The following PLEKHG1 variants were observed in gnomAD, a reference collection of about 807,000 sequenced individuals.
PLEKHG1 encodes the protein pleckstrin homology domain-containing family G member 1.
PLEKHG1 carries 44 observed loss-of-function variants against 100.8 expected under a neutral mutation model. The ratio of observed to expected loss-of-function variants is 0.44; its 90% CI spans 0.34 to 0.56. PLEKHG1 has a LOEUF of 0.56. PLEKHG1 is among the 20% of genes least tolerant of loss of function. PLEKHG1 has a pLI of 0.01. For missense variants in PLEKHG1, 1,545 were observed against 1,720.9 expected, an observed-to-expected ratio of 0.90 and a Z score of 1.81; for synonymous variants, 640 against 662.5, an observed-to-expected ratio of 0.97 and a Z score of 0.52.
chr6:150,723,032 C>T (rs1038910641), intron 1 of PLEKHG1, among the ~76,000 whole-genome samples: 5 of 152,112 alleles, frequency 3.3e-5, no homozygotes, highest in African/African-American at 1.2e-4. Flanking sequence ...ACCTGGCATT[C>T]GTAGGATGTA....
intron 1 of PLEKHG1, among the ~76,000 whole-genome samples, chr6:150,612,058 C>A (rs73780050): frequency 0.031 from 3,195 of 101,632 alleles, 113 homozygotes; most frequent in African/African-American, 0.083. Flanking sequence ...CCCCCCCCCC[C>A]CCTTTTCTAG....
chr6:150,733,718 G>C (rs369347179), exon 2 of PLEKHG1: 8 of 1,614,160 alleles, frequency 5.0e-6, no homozygotes, highest in Non-Finnish European at 6.8e-6. Flanking sequence ...CGTCAGCTTC[G>C]GTTCCACATC....
At chr6:150,763,019 A>AGCT (rs1227931581) in intron 2 of PLEKHG1, among the ~76,000 whole-genome samples, 3 of 87,366 alleles carry the variant, frequency 3.4e-5, no homozygotes, top group African/African-American at 5.8e-5. Flanking sequence ...GGAGGGATAA[A>AGCT]GCTTCTTTTT....
At chr6:150,806,767 T>C (rs1297664426) in intron 7 of PLEKHG1, among the ~76,000 whole-genome samples, 1 of 142,540 alleles carries the variant, frequency 7.0e-6, no homozygotes, top group Non-Finnish European at 1.5e-5. Flanking sequence ...GGCAGAGAGG[T>C]TGCAGTGAGC....
At chr6:150,619,747 AG>A (rs947523552) in intron 1 of PLEKHG1, among the ~76,000 whole-genome samples, 2 of 152,180 alleles carry the variant, frequency 1.3e-5, no homozygotes, top group Non-Finnish European at 2.9e-5. Flanking sequence ...AAAAGAAAAA[AG>A]GTTCTTTTTT....
At chr6:150,839,859 T>C (rs1160887822) in exon 16 of PLEKHG1, 3 of 1,611,774 alleles carry the variant, frequency 1.9e-6, no homozygotes, top group Non-Finnish European at 2.5e-6. Context: ...GTATTCCCAG[T>C]TGTATGACCA....
chr6:150,690,785 CA>C (rs1210811309), intron 3 of PLEKHG1, among the ~76,000 whole-genome samples: 4 of 152,220 alleles, frequency 2.6e-5, no homozygotes, highest in Non-Finnish European at 5.9e-5. Flanking sequence ...ATGTTGCAAA[CA>C]AGTTATTTGG....
chr6:150,610,039 G>A (rs1010299541), intron 1 of PLEKHG1, among the ~76,000 whole-genome samples: 11 of 152,166 alleles, frequency 7.2e-5, no homozygotes, highest in Non-Finnish European at 1.5e-4. Context: ...AAGCACCTAC[G>A]AAGCAGGTAT....
intron 2 of PLEKHG1, among the ~76,000 whole-genome samples, chr6:150,644,950 C>A (rs988272995): frequency 6.6e-6 from 1 of 151,902 alleles, no homozygotes; most frequent in African/African-American, 2.4e-5. Flanking sequence ...TCTAGTGTAA[C>A]CCCAATCAAA....
chr6:150,775,135 C>T lies in PLEKHG1; in HGVS notation c.512+6397C>T, dbSNP rs111932712. 4.4e-4 allele frequency among the ~76,000 whole-genome samples: 67 copies of T among 152,278 alleles called. 1 individual carries two copies. Among genetic ancestry groups the T allele is most frequent in the African/African-American group, 1.3e-3 (56 of 41,550 alleles). On this transcript the variant is annotated intron_variant, in intron 3 of 15. Coordinates refer to ENST00000358517, the Ensembl canonical transcript of PLEKHG1. The stretch of plus-strand genomic sequence containing the variant: ...CTGATTTGGTGTCTGGAATAAACAA[C>T]CACAAGGTCAGGAAACTGGGTTAGT...
intron 2 of PLEKHG1, among the ~76,000 whole-genome samples, chr6:150,752,694 G>T (rs1295434671): frequency 6.6e-6 from 1 of 152,210 alleles, no homozygotes; most frequent in Non-Finnish European, 1.5e-5. Flanking sequence ...GAGGTAAGAT[G>T]ACACTTTATA....
At chr6:150,687,592 T>C (rs940027118) in intron 3 of PLEKHG1, among the ~76,000 whole-genome samples, 2 of 152,214 alleles carry the variant, frequency 1.3e-5, no homozygotes, top group African/African-American at 4.8e-5. Flanking sequence ...GTCTGGACCT[T>C]GGACTCCTTA....
At chr6:150,830,276 A>G (rs1011239808) in intron 14 of PLEKHG1, among the ~76,000 whole-genome samples, 20 of 152,168 alleles carry the variant, frequency 1.3e-4, no homozygotes, top group Non-Finnish European at 1.5e-5. Flanking sequence ...TTCTAAGTAT[A>G]TATTAGTTCC....
chr6:150,747,723 T>C (rs1583048639), intron 2 of PLEKHG1, among the ~76,000 whole-genome samples: 2 of 151,898 alleles, frequency 1.3e-5, no homozygotes, highest in Admixed American at 6.6e-5. Flanking sequence ...GGTGAAACCC[T>C]GTCTCTACTA....
At position 150,722,512 on chromosome 6, in the gene PLEKHG1, C is replaced by A. The variant is rs184223565; in HGVS notation, c.-99+1312C>A. 3.6e-3 allele frequency among the ~76,000 whole-genome samples: 551 copies of A among 152,050 alleles called. 2 individuals carry two copies. The highest frequency in any genetic ancestry group is 0.013 in the African/African-American group (530 of 41,494). The stretch of plus-strand genomic sequence containing the variant: ...GGGATTACAGGCACGCGCCACCATG[C>A]CCGGCTAATTTTTGTATTTTTAGTA... On this transcript the variant is annotated intron_variant, in intron 1 of 15. Transcript: ENST00000358517.
intron 1 of PLEKHG1, among the ~76,000 whole-genome samples, chr6:150,605,320 G>A (rs1407709213): frequency 6.6e-6 from 1 of 152,250 alleles, no homozygotes; most frequent in African/African-American, 2.4e-5. Context: ...GTACATACGT[G>A]TATGGGCTTT....
exon 16 of PLEKHG1, chr6:150,840,503 A>G: frequency 6.2e-7 from 1 of 1,614,174 alleles, no homozygotes; most frequent in Non-Finnish European, 8.5e-7. Flanking sequence ...ATAGAAATTT[A>G]CCCTTAAATG....
chr6:150,630,314 G>A (rs1777692807), intron 1 of PLEKHG1, among the ~76,000 whole-genome samples: 1 of 152,204 alleles, frequency 6.6e-6, no homozygotes. Flanking sequence ...ATGCATATAG[G>A]CAAGGAGATC....
chr6:150,717,412 G>A (rs942828110), upstream of PLEKHG1, among the ~76,000 whole-genome samples: 2 of 151,458 alleles, frequency 1.3e-5, no homozygotes, highest in Non-Finnish European at 2.9e-5. Context: ...CTGGCCTCAA[G>A]TGATCCTTCC....
Sources: gnomAD v4.1 joint callset for allele counts (sites outside exome capture counted in the v4.1 genomes callset) on GRCh38, gnomAD v4.1.1 for gene constraint, MANE v1.5 for transcripts, NCBI Gene and HGNC (gene_info 2026-07-23, HGNC 2026-07-21) for gene names.